Variants in BPIFB3 observed in about 807,000 individuals in gnomAD.
The protein encoded by BPIFB3 is BPI fold-containing family B member 3.
A neutral mutation model predicts 53.1 loss-of-function variants in BPIFB3; 49 were observed. That is an observed-to-expected ratio of 0.92 (90% confidence interval 0.73 to 1.17). BPIFB3 has a LOEUF of 1.17. BPIFB3 is among the 50% of genes most tolerant of loss of function. BPIFB3 has a pLI of 0.00. For synonymous variants in BPIFB3, 271 were observed against 269.6 expected, an observed-to-expected ratio of 1.01 and a Z score of -0.05; for missense variants, 628 against 592.5, an observed-to-expected ratio of 1.06 and a Z score of -0.62.
At chr20:33,070,061 G>T in intron 11 of BPIFB3, 106 bp downstream of exon 12, 1 of 1,351,048 alleles carries the variant, frequency 7.4e-7, no homozygotes, top group Non-Finnish European at 1.1e-6. Flanking sequence ...GCAATTCCAG[G>T]TGTTTTTCCA....
intron 5 of BPIFB3, 145 bp from the exon 7 acceptor site, chr20:33,063,470 T>C: frequency 1.2e-6 from 1 of 811,534 alleles, no homozygotes; most frequent in Non-Finnish European, 2.0e-6. Flanking sequence ...GCCTCCCACC[T>C]GTGTGTCTTC....
chr20:33,055,135 G>C (rs556663812), upstream of BPIFB3, among the ~76,000 whole-genome samples: 1 of 152,210 alleles, frequency 6.6e-6, no homozygotes, highest in Non-Finnish European at 1.5e-5. Context: ...TGTGGCCTTG[G>C]TCTAGTCCCC....
At chr20:33,056,426 G>A in intron 1 of BPIFB3, 116 bp from the exon 3 acceptor site, 1 of 1,358,254 alleles carries the variant, frequency 7.4e-7, no homozygotes, top group Non-Finnish European at 1.0e-6. Context: ...TAACCTCTGG[G>A]TTAATTCCAT....
In BPIFB3 at chr20:33,055,565, A is replaced by C; in HGVS notation, c.124+18A>C. 2.5e-6 allele frequency: 4 copies of C among 1,613,226 alleles called. No homozygotes were observed. The highest frequency in any genetic ancestry group is 3.4e-6 in the Non-Finnish European group (4 of 1,179,942). Reference sequence around the variant, plus strand: ...CGGCAAAGGTGAGCCCCAGGTGGGCAGTCTGTGAGGGGGCTGCTGCAATGT... The same window carrying C: ...CGGCAAAGGTGAGCCCCAGGTGGGCCGTCTGTGAGGGGGCTGCTGCAATGT... On this transcript the variant is annotated intron_variant, in intron 1 of 14. Transcript: ENST00000375494.
chr20:33,064,831 A>AGTG (rs776441533), exon 8 of BPIFB3: 5 of 1,612,828 alleles, frequency 3.1e-6, no homozygotes, highest in South Asian at 1.1e-5. Flanking sequence ...CGACATGGAC[A>AGTG]TCACCCCTGA....
chr20:33,066,354 T>C (rs183780226), intron 8 of BPIFB3, among the ~76,000 whole-genome samples: 1 of 152,370 alleles, frequency 6.6e-6, no homozygotes, highest in Admixed American at 6.5e-5. Context: ...TCCTGATTTA[T>C]AAATACTAGA....
chr20:33,064,671 C>G, exon 8 of BPIFB3: 1 of 1,613,794 alleles, frequency 6.2e-7, no homozygotes, highest in East Asian at 2.2e-5. Flanking sequence ...TGCAGCCTAT[C>G]GTGAAGAGTG....
upstream of BPIFB3, among the ~76,000 whole-genome samples, chr20:33,054,911 G>A (rs1238567237): frequency 6.6e-6 from 1 of 152,204 alleles, no homozygotes; most frequent in Admixed American, 6.5e-5. Context: ...AGTGTTGGGT[G>A]TCCCCAGTCA....
At chr20:33,073,549 G>C in intron 14 of BPIFB3, 27 bp from the exon 16 acceptor site, 2 of 1,613,738 alleles carry the variant, frequency 1.2e-6, no homozygotes, top group Non-Finnish European at 1.7e-6. Flanking sequence ...ACTCAGGGGT[G>C]TAACCAAGAG....
chr20:33,072,089 T>C lies in BPIFB3; in HGVS notation c.1261-15T>C. The C allele has an allele frequency of 1.2e-6, 2 of 1,613,750 alleles. No homozygotes were observed. The highest frequency in any genetic ancestry group is 1.7e-6 in the Non-Finnish European group (2 of 1,179,670). Reference sequence around the variant, plus strand: ...CCAGAGCACCACCCCCACCACCCTGTGTGTTCTGTTGCAGGGATCGCGTTT... The same window carrying C: ...CCAGAGCACCACCCCCACCACCCTGCGTGTTCTGTTGCAGGGATCGCGTTT... On this transcript the variant is annotated splice_polypyrimidine_tract_variant and intron_variant, in intron 12 of 14. Transcript: ENST00000375494.
At chr20:33,068,672 G>A in intron 9 of BPIFB3, 131 bp from the exon 11 acceptor site, 1 of 940,196 alleles carries the variant, frequency 1.1e-6, no homozygotes, top group Non-Finnish European at 1.6e-6. Context: ...GCCCAGGCCT[G>A]TGTCTTTCAG....
chr20:33,066,131 T>G (rs1449780699), intron 8 of BPIFB3, among the ~76,000 whole-genome samples: 1 of 152,140 alleles, frequency 6.6e-6, no homozygotes, highest in South Asian at 2.1e-4. Context: ...AGTGGGCATA[T>G]GTAGTTCGGT....
exon 8 of BPIFB3, chr20:33,064,801 C>T: frequency 6.2e-7 from 1 of 1,613,984 alleles, no homozygotes; most frequent in Non-Finnish European, 8.5e-7. Context: ...GTTTGGACTC[C>T]TGCAGACCAA....
At chr20:33,054,067 C>G (rs991049407), upstream of BPIFB3, among the ~76,000 whole-genome samples, 1 of 152,114 alleles carries the variant, frequency 6.6e-6, no homozygotes, top group African/African-American at 2.4e-5. Context: ...AAAGAACTCA[C>G]CCTAGGAGGA....
At chr20:33,072,645 G>T in intron 13 of BPIFB3, 72 bp from the exon 15 acceptor site, 2 of 1,282,248 alleles carry the variant, frequency 1.6e-6, no homozygotes, top group African/African-American at 2.9e-5. Flanking sequence ...GGGTCAGCAG[G>T]GTCCGAGGGT....
chr20:33,068,674 G>T, intron 9 of BPIFB3, 129 bp from the exon 11 acceptor site: 1 of 957,244 alleles, frequency 1.0e-6, no homozygotes, highest in East Asian at 2.6e-5. Context: ...CCAGGCCTGT[G>T]TCTTTCAGGC....
chr20:33,061,666 G>C (rs1980462856), intron 4 of BPIFB3, 102 bp from the exon 6 acceptor site: 10 of 1,147,724 alleles, frequency 8.7e-6, no homozygotes, highest in Non-Finnish European at 1.3e-5. Context: ...CCCAAGAGAA[G>C]GGAGAGGAGA....
At chr20:33,069,948 C>G in exon 11 of BPIFB3, 1 of 1,614,208 alleles carries the variant, frequency 6.2e-7, no homozygotes. Context: ...CTCCCTGTCC[C>G]TGGAACGGTA....
At position 33,064,184 on chromosome 20, in the gene BPIFB3, G is replaced by A. The variant is rs1284093223; in HGVS notation, c.653-273G>A. 2.0e-5 allele frequency among the ~76,000 whole-genome samples: 3 copies of A among 152,322 alleles called. No homozygotes were observed. The East Asian group carries it at 5.8e-4, about 29-fold the overall frequency. ...GGTATGTCTCTATGGGTGGTGTTAT[G>A]TAAGAGAGGCAGGGTAGCAGTGTGT... On this transcript the variant is annotated intron_variant, in intron 6 of 14. Transcript: ENST00000375494.
Sources: gnomAD v4.1 joint callset for allele counts (sites outside exome capture counted in the v4.1 genomes callset) on GRCh38, gnomAD v4.1.1 for gene constraint, MANE v1.5 for transcripts, NCBI Gene and HGNC (gene_info 2026-07-23, HGNC 2026-07-21) for gene names.